Variants in TMEM209 observed in about 807,000 individuals in gnomAD.
TMEM209 encodes transmembrane protein 209.
In TMEM209, 65 loss-of-function variants were observed where a neutral mutation model predicts 76.2. That is an observed-to-expected ratio of 0.85 (90% CI 0.70 to 1.05). The LOEUF is 1.05. Ranked by LOEUF, TMEM209 falls within the 50% of genes least tolerant of loss-of-function variation. The pLI is 0.00. For synonymous variants in TMEM209, 239 were observed against 237.6 expected, an observed-to-expected ratio of 1.01 and a Z score of -0.06; for missense variants, 623 against 685.5, an observed-to-expected ratio of 0.91 and a Z score of 1.02.
At chr7:130,176,372 G>C (rs2896427) in intron 10 of TMEM209, among the ~76,000 whole-genome samples, 92,161 of 151,560 alleles carry the variant, frequency 0.61, 29,002 homozygotes, top group African/African-American at 0.78. Flanking sequence ...CCATCTGCCT[G>C]GGCCTCCCAA....
rs1798325739 is a variant in TMEM209 at position 130,204,055 on chromosome 7, C to T, written c.59G>A (p.Arg20Lys). The T allele has an allele frequency of 6.2e-7, 1 of 1,613,250 alleles. No homozygotes were observed. The highest frequency in any genetic ancestry group is 1.1e-5 in the South Asian group (1 of 90,958). ...ASLIDRTIKM[R>K]KETEARKVVL... ...CACTTTCCTAGCCTCTGTTTCTTTTCTCATCTTGATGGTTCTGTCAATAAG... is the reference window on the plus strand; with the variant it reads ...CACTTTCCTAGCCTCTGTTTCTTTTTTCATCTTGATGGTTCTGTCAATAAG... The change falls in exon 2 of 15, where the codon AGA (arginine) becomes AAA (lysine). Residue 20 changes from arginine (R) to lysine (K), a missense_variant. Physicochemically the swap from Arg to Lys is conservative, Grantham distance 26. Coordinates refer to ENST00000397622, the MANE Select transcript of TMEM209 (RefSeq NM_032842.4).
chr7:130,176,042 T>A (rs1797225344), intron 10 of TMEM209, among the ~76,000 whole-genome samples: 1 of 151,608 alleles, frequency 6.6e-6, no homozygotes, highest in Non-Finnish European at 1.5e-5. Context: ...TATATATATG[T>A]GGAAAGAAAG....
intron 5 of TMEM209, among the ~76,000 whole-genome samples, chr7:130,198,621 C>G (rs948637001): frequency 2.0e-5 from 3 of 151,918 alleles, no homozygotes; most frequent in African/African-American, 7.3e-5. Flanking sequence ...CAAAAAAACC[C>G]CCCCAAAAAA....
chr7:130,176,116 T>TTC (rs967077616), intron 10 of TMEM209, among the ~76,000 whole-genome samples: 5 of 35,754 alleles, frequency 1.4e-4, no homozygotes, highest in African/African-American at 1.1e-3. Context: ...CACTGTATTC[T>TTC]TTTTTTTTTT....
chr7:130,188,713 G>A (rs1797696731), intron 6 of TMEM209, among the ~76,000 whole-genome samples: 1 of 151,712 alleles, frequency 6.6e-6, no homozygotes, highest in Non-Finnish European at 1.5e-5. Flanking sequence ...AAGGAAACAG[G>A]ACATAAAGGG....
At chr7:130,175,908 A>AT (rs932442537) in intron 10 of TMEM209, among the ~76,000 whole-genome samples, 11 of 152,092 alleles carry the variant, frequency 7.2e-5, no homozygotes, top group Non-Finnish European at 1.6e-4. Context: ...GAAAACTATT[A>AT]TTTTTTAAAG....
intron 8 of TMEM209, 24 bp downstream of exon 8, chr7:130,184,160 C>T (rs767362714): frequency 1.1e-5 from 17 of 1,544,874 alleles, no homozygotes; most frequent in South Asian, 6.0e-5. Flanking sequence ...CTAATATTGT[C>T]CAAAGAGTAA....
At chr7:130,193,287 T>TATA (rs1373673808) in intron 5 of TMEM209, among the ~76,000 whole-genome samples, 6 of 152,170 alleles carry the variant, frequency 3.9e-5, no homozygotes, top group Non-Finnish European at 8.8e-5. Flanking sequence ...GGCTCACACC[T>TATA]ATAATCCCAG....
chr7:130,172,756 T>C (rs1369371773), intron 13 of TMEM209, among the ~76,000 whole-genome samples: 1 of 152,044 alleles, frequency 6.6e-6, no homozygotes, highest in Non-Finnish European at 1.5e-5. Context: ...CCCAGCACTT[T>C]GGGAGGCCGA....
At chr7:130,172,087 G>A (rs1290046656) in intron 13 of TMEM209, among the ~76,000 whole-genome samples, 2 of 152,022 alleles carry the variant, frequency 1.3e-5, no homozygotes, top group African/African-American at 4.8e-5. Flanking sequence ...TCAAGAGGCT[G>A]AGTCAGGATT....
intron 6 of TMEM209, among the ~76,000 whole-genome samples, chr7:130,190,903 G>A (rs1222915638): frequency 1.3e-5 from 2 of 151,976 alleles, no homozygotes; most frequent in East Asian, 3.9e-4. Flanking sequence ...AGGCTGAGGT[G>A]GGAGAGGCAC....
intron 6 of TMEM209, 62 bp from the exon 7 acceptor site, chr7:130,185,429 A>G (rs1797566091): frequency 6.9e-7 from 1 of 1,445,318 alleles, no homozygotes; most frequent in Non-Finnish European, 9.5e-7. Flanking sequence ...TACAGTTAAC[A>G]CTTATATCTA....
Position 130,175,412 on chromosome 7 carries a change from T to A in TMEM209, c.1344+100A>T, listed in dbSNP as rs1797200507. On this transcript the variant is annotated intron_variant, in intron 11 of 14. Coordinates refer to ENST00000397622, the MANE Select transcript of TMEM209 (RefSeq NM_032842.4). Reference sequence around the variant, plus strand: ...GGGAGATCAAAGCTGCAGTGAGACGTGACTGTGCCACTGCACTACAGCCTG... The same window carrying A: ...GGGAGATCAAAGCTGCAGTGAGACGAGACTGTGCCACTGCACTACAGCCTG... The A allele has an allele frequency of 3.7e-6, 4 of 1,088,354 alleles. No homozygotes were observed. In the Admixed American group the frequency reaches 6.7e-5, roughly 18 times the overall value. The allele number at this position is 1,088,354 out of a possible 1,614,324, so 67.4% of individuals were successfully genotyped here.
Position 130,181,730 on chromosome 7 carries a change from T to C in TMEM209, c.1024-11A>G, listed in dbSNP as rs1409028644. On this transcript the variant is annotated splice_polypyrimidine_tract_variant and intron_variant, in intron 8 of 14. Coordinates refer to ENST00000397622, the MANE Select transcript of TMEM209 (RefSeq NM_032842.4). ...TGTCTCATTGATCCACTAGAAGAAATAAGGTACAGATTTTGGATACATAAT... is the reference window on the plus strand; with the variant it reads ...TGTCTCATTGATCCACTAGAAGAAACAAGGTACAGATTTTGGATACATAAT... 1 of 1,594,230 alleles carries C rather than the reference T, an allele frequency of 6.3e-7. No individual in the cohort carries two copies. Among genetic ancestry groups the C allele is most frequent in the South Asian group, 1.1e-5 (1 of 87,928 alleles).
chr7:130,180,967 C>G (rs1238608426), intron 9 of TMEM209, among the ~76,000 whole-genome samples: 2 of 152,126 alleles, frequency 1.3e-5, no homozygotes, highest in African/African-American at 4.8e-5. Flanking sequence ...GGTATATACC[C>G]AGGAGAAATG....
chr7:130,182,349 T>A (rs1308226802), intron 8 of TMEM209, among the ~76,000 whole-genome samples: 2 of 152,208 alleles, frequency 1.3e-5, no homozygotes. Flanking sequence ...GATTATTATG[T>A]TTAGCTAAAA....
In TMEM209 at chr7:130,205,016, A is replaced by T. The variant is rs892722884; in HGVS notation, c.3+357T>A. On this transcript the variant is annotated intron_variant, in intron 1 of 14. Transcript: ENST00000397622. ...AAGAGGGAGAGAGGGGAAAACGTGCATTGTTTTGGTCCACATTTGGGATTT... is the reference window on the plus strand; with the variant it reads ...AAGAGGGAGAGAGGGGAAAACGTGCTTTGTTTTGGTCCACATTTGGGATTT... 9.1e-6 allele frequency: 11 copies of T among 1,212,286 alleles called. No homozygotes were observed. The Admixed American group carries it at 3.8e-4, about 42-fold the overall frequency. 75.1% of individuals were successfully genotyped at this position (1,212,286 alleles called of 1,614,324 possible).
chr7:130,179,793 C>T (rs886070600), intron 9 of TMEM209, among the ~76,000 whole-genome samples: 1 of 151,994 alleles, frequency 6.6e-6, no homozygotes, highest in Non-Finnish European at 1.5e-5. Context: ...CTGGACACCC[C>T]ATCTCTACAA....
chr7:130,185,496 A>G, intron 6 of TMEM209, 129 bp from the exon 7 acceptor site: 1 of 766,992 alleles, frequency 1.3e-6, no homozygotes, highest in Non-Finnish European at 2.1e-6. Flanking sequence ...TCTTCTCCCC[A>G]ACATAATTTT....
Sources: allele counts gnomAD v4.1 joint callset (sites outside exome capture counted in the v4.1 genomes callset), GRCh38; gene constraint gnomAD v4.1.1; transcripts MANE v1.5; gene names NCBI Gene and HGNC (gene_info 2026-07-23, HGNC 2026-07-21).